Variants in FSIP1 observed in about 807,000 individuals in gnomAD.
FSIP1 encodes fibrous sheath-interacting protein 1.
FSIP1 carries 65 observed loss-of-function variants against 60.9 expected under a neutral mutation model. The observed-to-expected ratio is 1.07, with a 90% CI of 0.87 to 1.31. The LOEUF is 1.31. FSIP1 is among the 40% of genes most tolerant of loss of function. The probability of loss-of-function intolerance (pLI) is 0.00; values close to 1 mark genes in which losing one functional copy is unlikely to be tolerated. For missense variants in FSIP1, 675 were observed against 665.5 expected (o/e 1.01, Z -0.16); for synonymous variants, 209 against 221.2 (o/e 0.94, Z 0.49).
At chr15:39,646,548 G>T (rs1181969518) in intron 10 of FSIP1, among the ~76,000 whole-genome samples, 1 of 59,008 alleles carries the variant, frequency 1.7e-5, no homozygotes, top group Non-Finnish European at 3.1e-5. Flanking sequence ...AAAAAAAAAA[G>T]GCTGCGTTTG....
At chr15:39,703,243 A>T (rs896366892) in intron 10 of FSIP1, among the ~76,000 whole-genome samples, 1 of 152,150 alleles carries the variant, frequency 6.6e-6, no homozygotes, top group Admixed American at 6.5e-5. Flanking sequence ...CAGCCTCCCA[A>T]AGTGCTGGGA....
At position 39,726,614 on chromosome 15, in the gene FSIP1, G is replaced by C; in HGVS notation, c.1025C>G (p.Pro342Arg). ...AASPTISSFS[P>R]RLENRNNQKP... Reference sequence around the variant, plus strand: ...CTGATTATTCCGATTTTCAAGTCTTGGAGAAAAACTGGAAATTGTAGGGGA... The same window carrying C: ...CTGATTATTCCGATTTTCAAGTCTTCGAGAAAAACTGGAAATTGTAGGGGA... The change falls in exon 9 of 12, where the codon CCA becomes CGA. Residue 342 changes from proline to arginine, a missense_variant. Physicochemically the swap from Pro to Arg is moderately radical, Grantham distance 103. Transcript: ENST00000350221. The C allele has an allele frequency of 4.3e-6, 7 of 1,613,916 alleles. No individual in the cohort carries two copies. The highest frequency in any genetic ancestry group is 5.9e-6 in the Non-Finnish European group (7 of 1,179,960).
intron 10 of FSIP1, among the ~76,000 whole-genome samples, chr15:39,673,773 C>T (rs1379692503): frequency 6.6e-6 from 1 of 152,088 alleles, no homozygotes; most frequent in Non-Finnish European, 1.5e-5. Flanking sequence ...TAAAAATTTA[C>T]ACCTATCAAG....
rs560220082 is a variant in FSIP1 at position 39,758,973 on chromosome 15, T to C, written c.559+4848A>G. On this transcript the variant is annotated intron_variant, in intron 5 of 11. Coordinates refer to ENST00000350221, the MANE Select transcript of FSIP1 (RefSeq NM_152597.5). The stretch of plus-strand genomic sequence containing the variant: ...GGTCTTGGAATAGCTGGTTAGCAAA[T>C]TGGGGGAAAAAAACAAAATCAACTC... Among the ~76,000 whole-genome samples the C allele has an allele frequency of 2.0e-5, 3 of 152,078 alleles. No homozygotes were observed. In the South Asian group the frequency reaches 6.2e-4, roughly 32 times the overall value.
intron 9 of FSIP1, among the ~76,000 whole-genome samples, chr15:39,723,719 G>T (rs1008517993): frequency 5.3e-5 from 8 of 152,224 alleles, no homozygotes; most frequent in Admixed American, 4.6e-4. Context: ...TTAATGGTTT[G>T]CAGAAGAGTT....
At chr15:39,637,565 T>C in intron 10 of FSIP1, among the ~76,000 whole-genome samples, 1 of 152,234 alleles carries the variant, frequency 6.6e-6, no homozygotes, top group East Asian at 1.9e-4. Context: ...CTATCATCAC[T>C]GTACACATTG....
intron 10 of FSIP1, among the ~76,000 whole-genome samples, chr15:39,621,573 T>C (rs1891443005): frequency 6.6e-6 from 1 of 152,230 alleles, no homozygotes; most frequent in Admixed American, 6.5e-5. Flanking sequence ...AAATTCTAAC[T>C]CTAAAATTGC....
intron 10 of FSIP1, among the ~76,000 whole-genome samples, chr15:39,641,619 G>C (rs545943783): frequency 6.6e-6 from 1 of 152,132 alleles, no homozygotes; most frequent in African/African-American, 2.4e-5. Flanking sequence ...AGTGAAAGTC[G>C]TTTTCCTGGT....
chr15:39,672,515 G>C (rs190379971), intron 10 of FSIP1, among the ~76,000 whole-genome samples: 1 of 152,260 alleles, frequency 6.6e-6, no homozygotes, highest in African/African-American at 2.4e-5. Context: ...ATAACACTTA[G>C]GAATTAAAGC....
chr15:39,686,315 G>C lies in FSIP1; in HGVS notation c.1188+27129C>G, dbSNP rs76568281. Among the ~76,000 whole-genome samples, 191 of 152,186 alleles carry C rather than the reference G, an allele frequency of 1.3e-3. 3 individuals are homozygous for C. The East Asian group carries it at 0.035, about 28-fold the overall frequency. ...TTAGCAGTATAAAATTCAAACCCAG[G>C]TGCCTCACTTTAACAAAAAATAAAT... On this transcript the variant is annotated intron_variant, in intron 10 of 11. Transcript: ENST00000350221.
At chr15:39,749,377 C>A (rs965245144) in intron 5 of FSIP1, among the ~76,000 whole-genome samples, 2 of 151,038 alleles carry the variant, frequency 1.3e-5, no homozygotes, top group African/African-American at 4.9e-5. Flanking sequence ...AATTACACAC[C>A]AGGAATCTCT....
chr15:39,644,418 C>T (rs1458834485), intron 10 of FSIP1, among the ~76,000 whole-genome samples: 1 of 152,174 alleles, frequency 6.6e-6, no homozygotes, highest in Non-Finnish European at 1.5e-5. Context: ...GTTATCGCCA[C>T]CAGTCAAGGC....
At chr15:39,619,891 A>G (rs1891379446) in intron 10 of FSIP1, among the ~76,000 whole-genome samples, 1 of 152,108 alleles carries the variant, frequency 6.6e-6, no homozygotes, top group Non-Finnish European at 1.5e-5. Flanking sequence ...GAGCAGGAGG[A>G]GGTCTCTAGG....
intron 11 of FSIP1, among the ~76,000 whole-genome samples, chr15:39,606,355 T>C (rs1890824366): frequency 6.6e-6 from 1 of 152,220 alleles, no homozygotes; most frequent in Non-Finnish European, 1.5e-5. Context: ...TGACACACAA[T>C]TGTACATATC....
intron 10 of FSIP1, among the ~76,000 whole-genome samples, chr15:39,646,689 G>A (rs926952911): frequency 2.7e-5 from 4 of 147,414 alleles, no homozygotes; most frequent in Non-Finnish European, 5.9e-5. Flanking sequence ...GAGTGACACT[G>A]TGACACACTG....
At chr15:39,621,409 C>G (rs539434141) in intron 10 of FSIP1, among the ~76,000 whole-genome samples, 2 of 152,348 alleles carry the variant, frequency 1.3e-5, no homozygotes, top group East Asian at 3.9e-4. Flanking sequence ...CCCTGATCCT[C>G]CTGGGGGAAG....
chr15:39,754,039 C>T (rs1897238182), intron 5 of FSIP1, among the ~76,000 whole-genome samples: 1 of 152,036 alleles, frequency 6.6e-6, no homozygotes, highest in Non-Finnish European at 1.5e-5. Flanking sequence ...CCTGTTGATG[C>T]AGTAACGTCT....
intron 11 of FSIP1, among the ~76,000 whole-genome samples, chr15:39,612,412 G>A (rs1309883128): frequency 6.6e-6 from 1 of 151,838 alleles, no homozygotes; most frequent in East Asian, 1.9e-4. Context: ...AGGTCAGAGG[G>A]GGGAAAAAAG....
rs55856565 is a variant in FSIP1 at position 39,706,412 on chromosome 15, A to G, written c.1188+7032T>C. ...CTTTTGGCTGGCCTAACGGGTGTAT[A>G]TAGTTCCTACAGGTTGTCTGAATAT... On this transcript the variant is annotated intron_variant, in intron 10 of 11. Transcript: ENST00000350221. 8.0e-3 allele frequency among the ~76,000 whole-genome samples: 1,217 copies of G among 152,312 alleles called. 17 individuals carry two copies. The highest frequency in any genetic ancestry group is 0.025 in the African/African-American group (1,046 of 41,564).
Sources: allele counts gnomAD v4.1 joint callset (sites outside exome capture counted in the v4.1 genomes callset), GRCh38; gene constraint gnomAD v4.1.1; transcripts MANE v1.5; gene names NCBI Gene and HGNC (gene_info 2026-07-23, HGNC 2026-07-21).